The following SLC5A3 variants were observed in gnomAD, a reference collection of about 807,000 sequenced individuals.
SLC5A3 encodes the protein solute carrier family 5 member 3.
In SLC5A3, 10 loss-of-function variants were observed where a neutral mutation model predicts 43.2. The ratio of observed to expected loss-of-function variants is 0.23; its 90% CI spans 0.14 to 0.39. The LOEUF (loss-of-function observed/expected upper bound fraction) is 0.39, where lower values mean the gene tolerates loss of function less well. Ranked by LOEUF, SLC5A3 falls within the 10% of genes least tolerant of loss-of-function variation. SLC5A3 has a pLI of 1.00. For synonymous variants in SLC5A3, 349 were observed against 322.0 expected (o/e 1.08, Z -0.90); for missense variants, 608 against 893.4 (o/e 0.68, Z 4.07).
At position 34,097,135 on chromosome 21, in the gene SLC5A3, A is replaced by G. The variant is rs747443709; in HGVS notation, c.1937A>G (p.Lys646Arg). The G allele has an allele frequency of 1.2e-6, 2 of 1,613,946 alleles. No homozygotes were observed. The highest frequency in any genetic ancestry group is 2.2e-5 in the East Asian group (1 of 44,886). The stretch of plus-strand genomic sequence containing the variant: ...CTCATGGGTGAGAAAGAGAGAAAGA[A>G]AGAAACGGATGATGGAGGTCGGTAC... ...AALMGEKERK[K>R]ETDDGGRYWK... Residue 646 changes from lysine to arginine, a missense_variant, in exon 2 of 2, where the codon AAA becomes AGA. Physicochemically the swap from Lys to Arg is conservative, Grantham distance 26. Transcript: ENST00000381151.
At chr21:34,085,757 C>T (rs376580394) in intron 1 of SLC5A3, among the ~76,000 whole-genome samples, 21 of 152,056 alleles carry the variant, frequency 1.4e-4, no homozygotes, top group Non-Finnish European at 2.4e-4. Context: ...CGCCCGCCAC[C>T]GCACCCAGCT....
chr21:34,082,747 T>C (rs1006179233), intron 1 of SLC5A3, among the ~76,000 whole-genome samples: 2 of 152,054 alleles, frequency 1.3e-5, no homozygotes, highest in African/African-American at 2.4e-5. Flanking sequence ...GTCTTTTTTT[T>C]CACTCCCACT....
In SLC5A3 at chr21:34,101,743, A is replaced by T. The variant is rs1459308303; in HGVS notation, c.*4388A>T. On this transcript the variant is annotated 3_prime_UTR_variant, in exon 2 of 2. Transcript: ENST00000381151. ...AGATCCAAATAATGACTCATTAAAT[A>T]TAATTATGTTTTAAGTATACTGAAT... 1.0e-6 allele frequency: 1 copy of T among 992,552 alleles called. No homozygotes were observed. Among genetic ancestry groups the T allele is most frequent in the Non-Finnish European group, 1.2e-6 (1 of 823,272 alleles). 61.5% of individuals were successfully genotyped at this position (992,552 alleles called of 1,614,324 possible). A position where few individuals can be genotyped will look rare whatever the true frequency, so the allele number is the denominator to read the frequency against.
At chr21:34,091,045 T>A (rs1328257439) in intron 1 of SLC5A3, among the ~76,000 whole-genome samples, 1 of 152,146 alleles carries the variant, frequency 6.6e-6, no homozygotes, top group Non-Finnish European at 1.5e-5. Flanking sequence ...TTCAGAGGTG[T>A]CTGTGTGTTC....
intron 1 of SLC5A3, among the ~76,000 whole-genome samples, chr21:34,084,185 C>G (rs561514314): frequency 6.6e-6 from 1 of 152,206 alleles, no homozygotes; most frequent in East Asian, 1.9e-4. Context: ...TTAAAGTTTT[C>G]CAACTGAAAA....
chr21:34,073,670 C>G lies in SLC5A3; in HGVS notation c.-412C>G. 1 of 1,512,616 alleles carries G rather than the reference C, an allele frequency of 6.6e-7. No homozygotes were observed. The highest frequency in any genetic ancestry group is 1.9e-5 in the Admixed American group (1 of 53,680). The allele number at this position is 1,512,616 out of a possible 1,614,324, so 93.7% of individuals were successfully genotyped here. A position where few individuals can be genotyped will look rare whatever the true frequency, so the allele number is the denominator to read the frequency against. On this transcript the variant is annotated 5_prime_UTR_variant, in exon 1 of 2. Coordinates refer to ENST00000381151, the MANE Select transcript of SLC5A3 (RefSeq NM_006933.7). ...CCTTCGCGTCCCGGGAACCGGCTGG[C>G]TTCCGAGCCGCACTCGCCGATCCTC...
At chr21:34,084,293 G>C (rs560971688) in intron 1 of SLC5A3, among the ~76,000 whole-genome samples, 53 of 152,230 alleles carry the variant, frequency 3.5e-4, no homozygotes, top group Non-Finnish European at 6.8e-4. Flanking sequence ...CTTGTGCTTA[G>C]GTTTTCTGCC....
chr21:34,094,080 T>G (rs767323457), intron 1 of SLC5A3, among the ~76,000 whole-genome samples: 1 of 152,254 alleles, frequency 6.6e-6, no homozygotes, highest in African/African-American at 2.4e-5. Flanking sequence ...TACTGCCTGA[T>G]GAAAAGGAAG....
At position 34,095,961 on chromosome 21, in the gene SLC5A3, A is replaced by G. The variant is rs1193361285; in HGVS notation, c.763A>G (p.Thr255Ala). 6 of 1,614,120 alleles carry G rather than the reference A, an allele frequency of 3.7e-6. No individual in the cohort carries two copies. Among genetic ancestry groups the G allele is most frequent in the Non-Finnish European group, 5.1e-6 (6 of 1,179,982 alleles). The change falls in exon 2 of 2, where the codon ACA becomes GCA. Residue 255 changes from threonine to alanine, a missense_variant. By Grantham distance (58) the Thr-to-Ala change is moderately conservative. Transcript: ENST00000381151. Reference protein sequence around the residue: ...KEALKMLRNPTDEDVPWPGFI... With the variant: ...KEALKMLRNPADEDVPWPGFI... ...AGCCCTGAAAATGCTGCGGAATCCA[A>G]CAGATGAAGATGTTCCTTGGCCTGG...
chr21:34,104,027 C>T lies in SLC5A3; in HGVS notation c.*6672C>T, dbSNP rs1979365227. ...GGAAATATTACCTCTTAACAGTGCC[C>T]CCCCAAACATGCAGAAAGTCATACT... On this transcript the variant is annotated 3_prime_UTR_variant, in exon 2 of 2. Coordinates refer to ENST00000381151, the MANE Select transcript of SLC5A3 (RefSeq NM_006933.7). 9 of 999,890 alleles carry T rather than the reference C, an allele frequency of 9.0e-6. No homozygotes were observed. In the South Asian group the frequency reaches 2.8e-4, roughly 31 times the overall value. The allele number at this position is 999,890 out of a possible 1,614,324, so 61.9% of individuals were successfully genotyped here.
Position 34,101,058 on chromosome 21 carries a change from A to T in SLC5A3, c.*3703A>T. ...CTGTTTCCTAGGTTTGGATAGAGAG[A>T]TGTATACAAGACCTTTCCTGTTAAA... On this transcript the variant is annotated 3_prime_UTR_variant, in exon 2 of 2. Coordinates refer to ENST00000381151, the MANE Select transcript of SLC5A3 (RefSeq NM_006933.7). The T allele has an allele frequency of 2.0e-6, 2 of 1,000,158 alleles. No individual in the cohort carries two copies. The highest frequency in any genetic ancestry group is 2.4e-6 in the Non-Finnish European group (2 of 829,944). The allele number at this position is 1,000,158 out of a possible 1,614,324, so 62.0% of individuals were successfully genotyped here.
intron 1 of SLC5A3, among the ~76,000 whole-genome samples, chr21:34,079,199 A>C (rs1569412147): frequency 6.6e-6 from 1 of 152,336 alleles, no homozygotes; most frequent in East Asian, 1.9e-4. Context: ...GGGGAAAAAA[A>C]CAGCAATACT....
chr21:34,099,747 T>G lies in SLC5A3; in HGVS notation c.*2392T>G, dbSNP rs560499287. The stretch of plus-strand genomic sequence containing the variant: ...TGTGTATATAGCAGTAGGTCAAGTT[T>G]AGAGTACTAAAGTCTGTAAATAAGG... On this transcript the variant is annotated 3_prime_UTR_variant, in exon 2 of 2. Transcript: ENST00000381151. 1.3e-5 allele frequency: 13 copies of G among 986,022 alleles called. No individual in the cohort carries two copies. In the East Asian group the frequency reaches 5.7e-4, roughly 43 times the overall value. 61.1% of individuals were successfully genotyped at this position (986,022 alleles called of 1,614,324 possible).
At position 34,101,664 on chromosome 21, in the gene SLC5A3, G is replaced by A; in HGVS notation, c.*4309G>A. 3 of 1,000,056 alleles carry A rather than the reference G, an allele frequency of 3.0e-6. No homozygotes were observed. The highest frequency in any genetic ancestry group is 3.6e-6 in the Non-Finnish European group (3 of 829,918). 61.9% of individuals were successfully genotyped at this position (1,000,056 alleles called of 1,614,324 possible). ...TTTTGTCAGCTTAGTTCACTTTAAG[G>A]CATATTGGCATGGTGTGTGAAAGTG... is the stretch of plus-strand genomic sequence containing the variant. On this transcript the variant is annotated 3_prime_UTR_variant, in exon 2 of 2. Coordinates refer to ENST00000381151, the MANE Select transcript of SLC5A3 (RefSeq NM_006933.7).
In SLC5A3 at chr21:34,098,719, T is replaced by C; in HGVS notation, c.*1364T>C. On this transcript the variant is annotated 3_prime_UTR_variant, in exon 2 of 2. Coordinates refer to ENST00000381151, the MANE Select transcript of SLC5A3 (RefSeq NM_006933.7). ...TTACAGGACTGTGTAATTATAGGAC[T>C]CTAACTTGACATGGCTTGGCACCCA... The C allele has an allele frequency of 2.0e-6, 2 of 1,000,246 alleles. No homozygotes were observed. Among genetic ancestry groups the C allele is most frequent in the African/African-American group, 1.7e-5 (1 of 57,342 alleles). 62.0% of individuals were successfully genotyped at this position (1,000,246 alleles called of 1,614,324 possible).
At position 34,099,070 on chromosome 21, in the gene SLC5A3, T is replaced by G. The variant is rs561608750; in HGVS notation, c.*1715T>G. 2 of 999,228 alleles carry G rather than the reference T, an allele frequency of 2.0e-6. No individual in the cohort carries two copies. The highest frequency in any genetic ancestry group is 9.5e-5 in the South Asian group (2 of 21,096). The allele number at this position is 999,228 out of a possible 1,614,324, so 61.9% of individuals were successfully genotyped here. A position where few individuals can be genotyped will look rare whatever the true frequency, so the allele number is the denominator to read the frequency against. On this transcript the variant is annotated 3_prime_UTR_variant, in exon 2 of 2. Coordinates refer to ENST00000381151, the MANE Select transcript of SLC5A3 (RefSeq NM_006933.7). The stretch of plus-strand genomic sequence containing the variant: ...TTAGTCCAAAGTTAATTTTAGAAAT[T>G]GTCAGGTAGCATAGTGTCTTCCCAT...
chr21:34,104,359 T>G lies in SLC5A3; in HGVS notation c.*7004T>G, dbSNP rs1979382415. The stretch of plus-strand genomic sequence containing the variant: ...TATGTTCTTCTACTCAGCATTGCCC[T>G]TTTCCACCTCCTCACTTCACCTCCG... On this transcript the variant is annotated 3_prime_UTR_variant, in exon 2 of 2. Transcript: ENST00000381151. 1 of 999,820 alleles carries G rather than the reference T, an allele frequency of 1.0e-6. No individual in the cohort carries two copies. The highest frequency in any genetic ancestry group is 1.2e-6 in the Non-Finnish European group (1 of 829,736). 61.9% of individuals were successfully genotyped at this position (999,820 alleles called of 1,614,324 possible).
intron 1 of SLC5A3, among the ~76,000 whole-genome samples, chr21:34,081,581 G>A (rs1425000529): frequency 6.6e-6 from 1 of 152,186 alleles, no homozygotes; most frequent in African/African-American, 2.4e-5. Context: ...GAGCTTTAGA[G>A]GCAGATGGGA....
At chr21:34,073,873 G>A in intron 1 of SLC5A3, 128 bp downstream of exon 1, 1 of 413,322 alleles carries the variant, frequency 2.4e-6, no homozygotes, top group Non-Finnish European at 3.3e-6. Context: ...AGGCCGGGGC[G>A]GCGGGCGGGC....
Sources: gnomAD v4.1 joint callset for allele counts (sites outside exome capture counted in the v4.1 genomes callset) on GRCh38, gnomAD v4.1.1 for gene constraint, MANE v1.5 for transcripts, NCBI Gene and HGNC (gene_info 2026-07-23, HGNC 2026-07-21) for gene names.